SERINC5: variants seen among roughly 807,000 people sequenced by gnomAD.
SERINC5 encodes the protein chromosome 5 open reading frame 12.
SERINC5 carries 41 observed loss-of-function variants against 63.1 expected under a neutral mutation model. That is an observed-to-expected ratio of 0.65 (90% confidence interval 0.51 to 0.84). The LOEUF is 0.84. SERINC5 is among the 40% of genes least tolerant of loss of function. The pLI is 0.00. For missense variants in SERINC5, 523 were observed against 573.0 expected (o/e 0.91, Z 0.89); for synonymous variants, 222 against 215.2 (o/e 1.03, Z -0.28).
At chr5:80,214,560 C>CA (rs10648492) in intron 1 of SERINC5, among the ~76,000 whole-genome samples, 63,593 of 138,250 alleles carry the variant, frequency 0.46, 14,272 homozygotes, top group Admixed American at 0.58. Context: ...ATTAAAAAAA[C>CA]AAAAAAAAAA....
At chr5:80,149,996 T>C (rs1184881811) in intron 9 of SERINC5, among the ~76,000 whole-genome samples, 2 of 152,172 alleles carry the variant, frequency 1.3e-5, no homozygotes, top group African/African-American at 2.4e-5. Context: ...ACCTTGAGGC[T>C]TTGGATGTGC....
intron 7 of SERINC5, among the ~76,000 whole-genome samples, chr5:80,164,908 C>CTTTTTTTTTTTTT (rs1747171665): frequency 1.1e-5 from 1 of 89,986 alleles, no homozygotes; most frequent in African/African-American, 5.2e-5. Flanking sequence ...AACTTTTTTT[C>CTTTTTTTTTTTTT]TGTTTTTTTT....
chr5:80,181,851 C>G (rs1256931231), intron 2 of SERINC5, among the ~76,000 whole-genome samples: 1 of 152,170 alleles, frequency 6.6e-6, no homozygotes, highest in Non-Finnish European at 1.5e-5. Flanking sequence ...AAGGCTCTGC[C>G]CACATCAAAG....
In SERINC5 at chr5:80,197,370, C is replaced by A. The variant is rs150956182; in HGVS notation, c.195+5516G>T. Among the ~76,000 whole-genome samples the A allele has an allele frequency of 8.4e-3, 869 of 103,268 alleles. 16 individuals are homozygous for A. The highest frequency in any genetic ancestry group is 0.029 in the African/African-American group (802 of 27,518). The allele number at this position is 103,268 out of a possible 152,430, so 67.7% of individuals were successfully genotyped here. ...GAGAGAGAGAGAGAGAGAGAACGGACCAGACACAGAGGGCTATATATTGTA... is the reference window on the plus strand; with the variant it reads ...GAGAGAGAGAGAGAGAGAGAACGGAACAGACACAGAGGGCTATATATTGTA... On this transcript the variant is annotated intron_variant, in intron 2 of 11. Transcript: ENST00000507668.
At chr5:80,213,611 GC>G (rs1288746597) in intron 1 of SERINC5, among the ~76,000 whole-genome samples, 1 of 152,120 alleles carries the variant, frequency 6.6e-6, no homozygotes, top group African/African-American at 2.4e-5. Flanking sequence ...TTTCTTCCCT[GC>G]CCCTGTGTGT....
At chr5:80,244,583 C>T (rs1251397970) in intron 1 of SERINC5, among the ~76,000 whole-genome samples, 1 of 151,774 alleles carries the variant, frequency 6.6e-6, no homozygotes, top group Non-Finnish European at 1.5e-5. Flanking sequence ...GTAATCCCAG[C>T]ACTTTGGGAG....
At chr5:80,137,943 A>C (rs752611168), downstream of SERINC5, among the ~76,000 whole-genome samples, 19 of 152,038 alleles carry the variant, frequency 1.2e-4, no homozygotes, top group Non-Finnish European at 5.9e-5. Context: ...GTCTCAAAAA[A>C]AGGAAAAGTG....
chr5:80,234,698 GCTGTAA>G (rs1751606951), intron 1 of SERINC5, among the ~76,000 whole-genome samples: 1 of 151,952 alleles, frequency 6.6e-6, no homozygotes, highest in South Asian at 2.1e-4. Flanking sequence ...TTACTCTATT[GCTGTAA>G]CCACCGGTGG....
intron 8 of SERINC5, 87 bp from the exon 9 acceptor site, chr5:80,151,035 G>C: frequency 4.4e-6 from 4 of 918,666 alleles, no homozygotes; most frequent in Non-Finnish European, 7.3e-6. Context: ...CCAGTGCTCC[G>C]ACGAGAGCCT....
rs73125957 is a variant in SERINC5, at chr5:80,147,217, G to A, written c.1093+28C>T. 0.013 allele frequency: 20,373 copies of A among 1,582,484 alleles called. 2,220 individuals are homozygous for A. In the African/African-American group the frequency reaches 0.24, roughly 18 times the overall value. ...GTTATAGGTCTGCAGTGCCACACAGGTGCAAAGAATAAAAGCGCTCTGCTT... is the reference window on the plus strand; with the variant it reads ...GTTATAGGTCTGCAGTGCCACACAGATGCAAAGAATAAAAGCGCTCTGCTT... On this transcript the variant is annotated intron_variant, in intron 10 of 11. Coordinates refer to ENST00000507668, the MANE Select transcript of SERINC5 (RefSeq NM_001174072.3).
At chr5:80,223,628 A>T (rs1406596790) in intron 1 of SERINC5, among the ~76,000 whole-genome samples, 1 of 152,176 alleles carries the variant, frequency 6.6e-6, no homozygotes, top group Non-Finnish European at 1.5e-5. Flanking sequence ...CCTGAGAGCA[A>T]GTTCGAGGGT....
At chr5:80,182,736 G>C (rs962762605) in intron 2 of SERINC5, among the ~76,000 whole-genome samples, 6 of 151,992 alleles carry the variant, frequency 3.9e-5, no homozygotes, top group African/African-American at 1.5e-4. Flanking sequence ...AGTAGAGATG[G>C]GGTTTCACCA....
intron 1 of SERINC5, among the ~76,000 whole-genome samples, chr5:80,241,951 G>A (rs546400934): frequency 6.6e-4 from 100 of 150,856 alleles, no homozygotes; most frequent in African/African-American, 2.0e-3. Flanking sequence ...TAGTAAGACC[G>A]TGTCTCCACA....
At chr5:80,133,935 G>C (rs1462056613), downstream of SERINC5, among the ~76,000 whole-genome samples, 2 of 152,152 alleles carry the variant, frequency 1.3e-5, no homozygotes, top group East Asian at 3.8e-4. Flanking sequence ...TCCTGGGTGG[G>C]GGCCACAAGA....
intron 1 of SERINC5, among the ~76,000 whole-genome samples, chr5:80,255,507 C>A (rs989749725): frequency 6.6e-6 from 1 of 152,170 alleles, no homozygotes; most frequent in Non-Finnish European, 1.5e-5. Context: ...CCTAAACCCA[C>A]TTTTCTTCCT....
chr5:80,165,021 G>C (rs1291067162), intron 7 of SERINC5, among the ~76,000 whole-genome samples: 5 of 144,634 alleles, frequency 3.5e-5, no homozygotes, highest in Non-Finnish European at 6.0e-5. Context: ...TAGATTACAG[G>C]CATGTGCCAC....
chr5:80,220,911 C>T (rs748175455), intron 1 of SERINC5, among the ~76,000 whole-genome samples: 1 of 152,022 alleles, frequency 6.6e-6, no homozygotes, highest in African/African-American at 2.4e-5. Flanking sequence ...ATGCATGAGA[C>T]AGCAGGGAAG....
chr5:80,188,093 G>T (rs576388917), intron 2 of SERINC5, among the ~76,000 whole-genome samples: 18 of 152,084 alleles, frequency 1.2e-4, no homozygotes, highest in African/African-American at 3.9e-4. Context: ...GACCAGCCTG[G>T]CCAAGATGGT....
chr5:80,184,752 G>T (rs1048028689), intron 2 of SERINC5, among the ~76,000 whole-genome samples: 5 of 152,070 alleles, frequency 3.3e-5, no homozygotes, highest in African/African-American at 9.7e-5. Context: ...TTTGGAAAAA[G>T]AAAAAATACA....
Sources: allele counts gnomAD v4.1 joint callset (sites outside exome capture counted in the v4.1 genomes callset), GRCh38; gene constraint gnomAD v4.1.1; transcripts MANE v1.5; gene names NCBI Gene and HGNC (gene_info 2026-07-23, HGNC 2026-07-21).